Variants in LAMA4 observed in about 807,000 individuals in gnomAD.
LAMA4 encodes the protein laminin subunit alpha-4.
Under a neutral mutation model 207.1 loss-of-function variants are expected in LAMA4, and 127 were observed. The ratio of observed to expected loss-of-function variants is 0.61; its 90% CI spans 0.53 to 0.71. LAMA4 has a LOEUF of 0.71. LAMA4 is among the 30% of genes least tolerant of loss of function. The probability of loss-of-function intolerance (pLI) is 0.00; values close to 1 mark genes in which losing one functional copy is unlikely to be tolerated. For synonymous variants in LAMA4, 761 were observed against 816.0 expected (o/e 0.93, Z 1.15); for missense variants, 2,093 against 2,246.5 (o/e 0.93, Z 1.38).
Position 112,136,113 on chromosome 6 carries a change from T to C in LAMA4, c.3414+10A>G. 1 of 1,610,994 alleles carries C rather than the reference T, an allele frequency of 6.2e-7. No individual in the cohort carries two copies. The highest frequency in any genetic ancestry group is 8.5e-7 in the Non-Finnish European group (1 of 1,179,012). ...AAAAACAAAACCAACCAAACTACAA[T>C]GATTTGTACCTCATGGTATTTTGCA... On this transcript the variant is annotated intron_variant, in intron 25 of 38. Transcript: ENST00000230538.
intron 25 of LAMA4, among the ~76,000 whole-genome samples, chr6:112,135,460 A>C (rs1779283743): frequency 6.6e-6 from 1 of 152,206 alleles, no homozygotes; most frequent in Non-Finnish European, 1.5e-5. Flanking sequence ...CATTCTCATG[A>C]GGCTATGGAC....
chr6:112,186,632 T>C (rs1353791764), intron 8 of LAMA4: 10 of 367,694 alleles, frequency 2.7e-5, no homozygotes, highest in Admixed American at 1.1e-4. Flanking sequence ...TGTATGCACA[T>C]CCTCCAGAAT....
At chr6:112,146,958 T>G (rs1554334649) in intron 18 of LAMA4, among the ~76,000 whole-genome samples, 2 of 152,226 alleles carry the variant, frequency 1.3e-5, no homozygotes, top group Non-Finnish European at 1.5e-5. Context: ...AGAGTCCCCC[T>G]GCTCCCTACA....
chr6:112,206,504 C>G (rs1032245894), intron 4 of LAMA4, among the ~76,000 whole-genome samples: 1 of 152,190 alleles, frequency 6.6e-6, no homozygotes, highest in African/African-American at 2.4e-5. Flanking sequence ...TTTAACTACT[C>G]ATTCAGGTCA....
At chr6:112,186,577 G>A (rs1485102832) in intron 8 of LAMA4, among the ~76,000 whole-genome samples, 3 of 152,158 alleles carry the variant, frequency 2.0e-5, no homozygotes, top group Non-Finnish European at 1.5e-5. Context: ...ACCCCGTGGG[G>A]ATGCTCCAGT....
intron 22 of LAMA4, 74 bp from the exon 23 acceptor site, chr6:112,139,959 A>T (rs1562651814): frequency 1.4e-6 from 2 of 1,469,926 alleles, no homozygotes; most frequent in Non-Finnish European, 1.9e-6. Flanking sequence ...CAGACAATGC[A>T]ACTAATAGTA....
Position 112,114,911 on chromosome 6 carries a change from A to G in LAMA4, c.5113-155T>C, listed in dbSNP as rs587692566. 8.7e-4 allele frequency among the ~76,000 whole-genome samples: 133 copies of G among 152,338 alleles called. 2 individuals are homozygous for G. Among genetic ancestry groups the G allele is most frequent in the African/African-American group, 3.0e-3 (124 of 41,586 alleles). On this transcript the variant is annotated intron_variant, in intron 36 of 38. Transcript: ENST00000230538. ...AACACAAGGGTCTTTGGCAGCCTAT[A>G]GAAATAGGTTCAACTGGGGGTGCTC...
At chr6:112,129,776 G>T in intron 30 of LAMA4, 100 bp downstream of exon 30, 2 of 967,436 alleles carry the variant, frequency 2.1e-6, no homozygotes, top group Non-Finnish European at 3.1e-6. Flanking sequence ...ATCCCCTAAT[G>T]CCTCAGATAC....
At chr6:112,136,823 A>G (rs1779384152) in intron 24 of LAMA4, among the ~76,000 whole-genome samples, 3 of 152,200 alleles carry the variant, frequency 2.0e-5, no homozygotes. Context: ...CTAATGGATG[A>G]AGTTTTAAGT....
chr6:112,147,296 T>A (rs1780087152), intron 18 of LAMA4, among the ~76,000 whole-genome samples: 1 of 152,132 alleles, frequency 6.6e-6, no homozygotes, highest in South Asian at 2.1e-4. Context: ...ATGGAAGAAA[T>A]GAATATATAC....
At chr6:112,153,500 G>C (rs531444689) in intron 16 of LAMA4, among the ~76,000 whole-genome samples, 5 of 152,258 alleles carry the variant, frequency 3.3e-5, no homozygotes, top group African/African-American at 1.2e-4. Context: ...ACTTTGAAGG[G>C]ATGTGGGTAG....
intron 5 of LAMA4, 105 bp downstream of exon 5, chr6:112,201,503 T>G: frequency 1.0e-6 from 1 of 962,510 alleles, no homozygotes; most frequent in Non-Finnish European, 1.7e-6. Context: ...CTCTTAAGCA[T>G]CTCCTTCAGG....
intron 24 of LAMA4, among the ~76,000 whole-genome samples, chr6:112,137,498 T>C (rs1379510282): frequency 6.6e-6 from 1 of 152,260 alleles, no homozygotes; most frequent in Non-Finnish European, 1.5e-5. Flanking sequence ...TTTATCCTTT[T>C]GTCAGACTTT....
At chr6:112,190,970 T>TTCTTTCTTTCC (rs1562715081) in intron 6 of LAMA4, among the ~76,000 whole-genome samples, 2 of 147,068 alleles carry the variant, frequency 1.4e-5, no homozygotes, top group African/African-American at 5.0e-5. Context: ...CTTTCTTTCT[T>TTCTTTCTTTCC]TCTTTCTTTC....
chr6:112,226,660 C>T (rs1785231620), intron 2 of LAMA4, among the ~76,000 whole-genome samples: 2 of 152,214 alleles, frequency 1.3e-5, no homozygotes, highest in Non-Finnish European at 1.5e-5. Flanking sequence ...CTATCATAGT[C>T]ATTCGCAAAT....
chr6:112,176,265 A>AT (rs1199527896), intron 10 of LAMA4, among the ~76,000 whole-genome samples: 1 of 152,196 alleles, frequency 6.6e-6, no homozygotes, highest in African/African-American at 2.4e-5. Context: ...ACGTCTTTGA[A>AT]TCCCTCATTC....
chr6:112,211,961 G>A (rs548758146), intron 3 of LAMA4, among the ~76,000 whole-genome samples: 56 of 152,148 alleles, frequency 3.7e-4, no homozygotes, highest in Admixed American at 8.5e-4. Context: ...TTGGGAAGCT[G>A]TGTCAGTGGT....
rs577236095 is a variant in LAMA4, at chr6:112,210,747, A to G, written c.298-3602T>C. Among the ~76,000 whole-genome samples the G allele has an allele frequency of 2.0e-5, 3 of 152,312 alleles. No homozygotes were observed. The East Asian group carries it at 5.8e-4, about 29-fold the overall frequency. On this transcript the variant is annotated intron_variant, in intron 3 of 38. Coordinates refer to ENST00000230538, the MANE Select transcript of LAMA4 (RefSeq NM_001105206.3). ...GAGGCTACACAACACAAGATATCAC[A>G]CAGATTGATGCAGAAGCAGATGGCA...
At chr6:112,124,759 CT>C (rs36097503) in intron 31 of LAMA4, among the ~76,000 whole-genome samples, 1,816 of 140,368 alleles carry the variant, frequency 0.013, 21 homozygotes, top group African/African-American at 0.036. Context: ...ATAGGGGTAT[CT>C]TTTTTTTTTT....
Sources: allele counts gnomAD v4.1 joint callset (sites outside exome capture counted in the v4.1 genomes callset), GRCh38; gene constraint gnomAD v4.1.1; transcripts MANE v1.5; gene names NCBI Gene and HGNC (gene_info 2026-07-23, HGNC 2026-07-21).